Variants in ABCG2 observed in about 807,000 individuals in gnomAD.
ABCG2 encodes ATP binding cassette subfamily G member 2 (JR blood group).
Under a neutral mutation model 73.5 loss-of-function variants are expected in ABCG2, and 80 were observed. The observed-to-expected ratio is 1.09, with a 90% confidence interval of 0.91 to 1.31. ABCG2 has a LOEUF of 1.31. Among genes scored for constraint, ABCG2 ranks in the 50% most tolerant of loss-of-function variants. ABCG2 has a pLI of 0.00. For synonymous variants in ABCG2, 269 were observed against 282.4 expected, an observed-to-expected ratio of 0.95 and a Z score of 0.48; for missense variants, 796 against 786.2, an observed-to-expected ratio of 1.01 and a Z score of -0.15.
Position 88,131,933 on chromosome 4 carries a change from T to C in ABCG2, c.264-16A>G, listed in dbSNP as rs1261163897. The C allele has an allele frequency of 2.5e-6, 4 of 1,591,594 alleles. No individual in the cohort carries two copies. The highest frequency in any genetic ancestry group is 2.2e-5 in the East Asian group (1 of 44,740). The stretch of plus-strand genomic sequence containing the variant: ...ATCTAATAACCTATAAGAGGACATA[T>C]ATGTTGTGGGTCTAATAACCTATAA... On this transcript the variant is annotated splice_polypyrimidine_tract_variant and intron_variant, in intron 3 of 15. Transcript: ENST00000237612.
At chr4:88,095,661 A>T in intron 13 of ABCG2, 52 bp from the exon 14 acceptor site, 1 of 1,373,646 alleles carries the variant, frequency 7.3e-7, no homozygotes, top group Non-Finnish European at 1.0e-6. Context: ...TTTCATGCAG[A>T]ATTCTAGAGA....
rs45460598 is a variant in ABCG2 at position 88,101,215 on chromosome 4, C to A, written c.1367+15G>T. 1.8e-3 allele frequency: 2,852 copies of A among 1,613,060 alleles called. 24 individuals carry two copies. In the African/African-American group the frequency reaches 0.029, roughly 16 times the overall value. On this transcript the variant is annotated intron_variant, in intron 11 of 15. Transcript: ENST00000237612. ...CTGCTGGACAGCCCCGTTCCCAGAA[C>A]AAAGACCTACTCACATGAAGAGCTT... is the stretch of plus-strand genomic sequence containing the variant.
chr4:88,134,691 T>C (rs1344912985), intron 2 of ABCG2, among the ~76,000 whole-genome samples: 1 of 152,192 alleles, frequency 6.6e-6, no homozygotes, highest in Non-Finnish European at 1.5e-5. Context: ...AACCCAAACC[T>C]CAACATGAAT....
At chr4:88,106,357 A>G (rs935291347) in intron 10 of ABCG2, among the ~76,000 whole-genome samples, 8 of 152,320 alleles carry the variant, frequency 5.3e-5, no homozygotes, top group Middle Eastern at 3.4e-3. Context: ...AAAAGGTGAA[A>G]GCAACCCAAG....
chr4:88,215,972 C>T (rs1440075475), intron 1 of ABCG2, among the ~76,000 whole-genome samples: 1 of 152,202 alleles, frequency 6.6e-6, no homozygotes, highest in East Asian at 1.9e-4. Flanking sequence ...TTTCTCTCAA[C>T]CTTGGCCCCA....
At chr4:88,165,188 T>C (rs2622607) in intron 1 of ABCG2, among the ~76,000 whole-genome samples, 150,249 of 152,332 alleles carry the variant, frequency 0.99, 74,131 homozygotes, top group Middle Eastern at 1. Context: ...ATGGCTGATT[T>C]GGGATTTGGA....
In ABCG2 at chr4:88,176,898, G is replaced by A. The variant is rs1412076654; in HGVS notation, c.-19-36884C>T. On this transcript the variant is annotated intron_variant, in intron 1 of 15. Coordinates refer to the ABCG2 transcript ENST00000515655. The stretch of plus-strand genomic sequence containing the variant: ...CTGAAGTGATAGTATTTCTCTATGA[G>A]CCATATATGGTGTCAAGTTATAGCA... Among the ~76,000 whole-genome samples, 3 of 152,018 alleles carry A rather than the reference G, an allele frequency of 2.0e-5. No individual in the cohort carries two copies. The East Asian group carries it at 5.8e-4, about 29-fold the overall frequency.
chr4:88,205,542 T>C (rs946424109), intron 1 of ABCG2, among the ~76,000 whole-genome samples: 2 of 152,232 alleles, frequency 1.3e-5, no homozygotes, highest in Admixed American at 6.5e-5. Context: ...TGTTCCACTT[T>C]CATAAAGTTA....
At chr4:88,126,370 C>T (rs1724407607) in intron 5 of ABCG2, among the ~76,000 whole-genome samples, 2 of 152,168 alleles carry the variant, frequency 1.3e-5, no homozygotes, top group African/African-American at 4.8e-5. Context: ...TGGTACCATT[C>T]CTTCTGAAAC....
chr4:88,209,668 C>A (rs548862688), intron 1 of ABCG2, among the ~76,000 whole-genome samples: 26 of 151,498 alleles, frequency 1.7e-4, no homozygotes, highest in African/African-American at 6.1e-4. Context: ...CAAAAAAAAA[C>A]AAAAAACAAA....
chr4:88,097,967 T>A (rs1022115775), intron 12 of ABCG2, among the ~76,000 whole-genome samples: 1 of 152,104 alleles, frequency 6.6e-6, no homozygotes, highest in African/African-American at 2.4e-5. Flanking sequence ...TTGTGTGCTG[T>A]AACTTTGTGA....
At chr4:88,156,022 T>C (rs745600327) in intron 1 of ABCG2, among the ~76,000 whole-genome samples, 1 of 151,990 alleles carries the variant, frequency 6.6e-6, no homozygotes, top group East Asian at 1.9e-4. Context: ...GGTTGGGACA[T>C]GGAAAATACA....
intron 1 of ABCG2, among the ~76,000 whole-genome samples, chr4:88,209,593 G>T (rs928542190): frequency 1.3e-5 from 2 of 150,922 alleles, no homozygotes; most frequent in African/African-American, 4.9e-5. Flanking sequence ...GGAGCCGGAG[G>T]TTGCAGTGAG....
intron 1 of ABCG2, among the ~76,000 whole-genome samples, chr4:88,156,496 C>T (rs928342441): frequency 6.6e-6 from 1 of 150,936 alleles, no homozygotes; most frequent in African/African-American, 2.4e-5. Context: ...AAATTAAATA[C>T]TGATAATATT....
chr4:88,188,411 T>C (rs1423949651), intron 1 of ABCG2, among the ~76,000 whole-genome samples: 1 of 152,038 alleles, frequency 6.6e-6, no homozygotes, highest in Non-Finnish European at 1.5e-5. Flanking sequence ...TTAATAGAGA[T>C]GAGGTCTCAC....
chr4:88,182,398 T>C (rs1227315595), intron 1 of ABCG2, among the ~76,000 whole-genome samples: 1 of 152,132 alleles, frequency 6.6e-6, no homozygotes, highest in Non-Finnish European at 1.5e-5. Context: ...ATACACCAAA[T>C]GAAACTAATA....
rs1445780734 is a variant in ABCG2 at position 88,230,342 on chromosome 4, TATA to T, written c.-20+649_-20+651del. On this transcript the variant is annotated intron_variant, in intron 1 of 15. Coordinates refer to the ABCG2 transcript ENST00000515655. The stretch of plus-strand genomic sequence containing the variant: ...TTGGCCACATATATATATATATATA[TATA>T]TTTTTTGAGACGGAGTCTCGCACTG... 6.7e-3 allele frequency among the ~76,000 whole-genome samples: 886 copies of T among 132,904 alleles called. 32 individuals carry two copies. Among genetic ancestry groups the T allele is most frequent in the African/African-American group, 0.023 (765 of 32,940 alleles). The allele number at this position is 132,904 out of a possible 152,430, so 87.2% of individuals were successfully genotyped here.
At position 88,109,001 on chromosome 4, in the gene ABCG2, AT is replaced by A. The variant is rs35911715; in HGVS notation, c.1195-1736del. On this transcript the variant is annotated intron_variant, in intron 9 of 15. Coordinates refer to ENST00000237612, the MANE Select transcript of ABCG2 (RefSeq NM_004827.3). ...AACTTTTAAGAATATTCAATTCAGG[AT>A]TTTTTTTTTTTTTTTTGAGACAGTC... 8.1e-3 allele frequency among the ~76,000 whole-genome samples: 1,139 copies of A among 140,792 alleles called. 6 individuals carry two copies. Among genetic ancestry groups the A allele is most frequent in the African/African-American group, 0.021 (799 of 38,044 alleles). 92.4% of individuals were successfully genotyped at this position (140,792 alleles called of 152,430 possible). A position where few individuals can be genotyped will look rare whatever the true frequency, so the allele number is the denominator to read the frequency against.
chr4:88,102,158 C>G (rs1405578538), intron 10 of ABCG2, among the ~76,000 whole-genome samples: 1 of 152,192 alleles, frequency 6.6e-6, no homozygotes, highest in African/African-American at 2.4e-5. Flanking sequence ...CTTGACCACG[C>G]TAAGACAGCC....
Sources: gnomAD v4.1 joint callset for allele counts (sites outside exome capture counted in the v4.1 genomes callset) on GRCh38, gnomAD v4.1.1 for gene constraint, MANE v1.5 for transcripts, NCBI Gene and HGNC (gene_info 2026-07-23, HGNC 2026-07-21) for gene names.